The following RYR3 variants were observed in gnomAD, a reference collection of about 807,000 sequenced individuals.
The protein encoded by RYR3 is ryanodine receptor 3, also known as brain ryanodine receptor-calcium release channel.
RYR3 carries 207 observed loss-of-function variants against 584.3 expected under a neutral mutation model. The observed-to-expected ratio is 0.35, with a 90% CI of 0.32 to 0.40. The LOEUF (loss-of-function observed/expected upper bound fraction) is 0.40. RYR3 is among the 10% of genes least tolerant of loss of function. The pLI is 1.00. For synonymous variants in RYR3, 2,416 were observed against 2,248.5 expected (o/e 1.07, Z -2.11); for missense variants, 5,616 against 6,089.2 (o/e 0.92, Z 2.59).
chr15:33,434,996 A>G (rs1048907543), intron 1 of RYR3, among the ~76,000 whole-genome samples: 3 of 151,308 alleles, frequency 2.0e-5, no homozygotes, highest in Non-Finnish European at 2.9e-5. Flanking sequence ...TTTTTTTTGT[A>G]TTTTTAGTAG....
Position 33,838,832 on chromosome 15 carries a change from C to G in RYR3, c.12852C>G (p.Leu4284=), listed in dbSNP as rs945158896. 6.2e-7 allele frequency: 1 copy of G among 1,613,862 alleles called. No individual in the cohort carries two copies. Among genetic ancestry groups the G allele is most frequent in the South Asian group, 1.1e-5 (1 of 91,056 alleles). The part of the protein sequence containing the change: ...DTDIMSDLFG[L]HPKKEGSLKH... Reference sequence around the variant, plus strand: ...ATATCATGTCAGACCTCTTTGGACTCCACCCAAAGAAAGAGGGCAGCTTAA... The same window carrying G: ...ATATCATGTCAGACCTCTTTGGACTGCACCCAAAGAAAGAGGGCAGCTTAA... The change falls in exon 89 of 104, where the codon CTC becomes CTG. Residue 4284 remains leucine (L), a synonymous_variant. Transcript: ENST00000634891.
intron 16 of RYR3, among the ~76,000 whole-genome samples, chr15:33,593,587 A>C (rs1414548453): frequency 2.6e-5 from 4 of 152,234 alleles, no homozygotes; most frequent in African/African-American, 9.6e-5. Flanking sequence ...AGTTTATTTA[A>C]GTTGTCTGGC....
intron 1 of RYR3, among the ~76,000 whole-genome samples, chr15:33,391,625 CA>C (rs5811755): frequency 0.59 from 75,634 of 128,214 alleles, 20,161 homozygotes; most frequent in Admixed American, 0.64. Flanking sequence ...GACTCTGTCT[CA>C]AAAAAAAAAA....
intron 3 of RYR3, among the ~76,000 whole-genome samples, chr15:33,511,079 A>C (rs1346883454): frequency 6.6e-6 from 1 of 152,114 alleles, no homozygotes; most frequent in Non-Finnish European, 1.5e-5. Flanking sequence ...ATTCTATGAG[A>C]AATTCCAAAT....
In RYR3 at chr15:33,865,740, C is replaced by A. The variant is rs1044802069; in HGVS notation, c.*514C>A. 6.5e-6 allele frequency: 1 copy of A among 153,364 alleles called. No individual in the cohort carries two copies. The highest frequency in any genetic ancestry group is 1.5e-5 in the Non-Finnish European group (1 of 68,612). 9.5% of individuals were successfully genotyped at this position (153,364 alleles called of 1,614,324 possible). On this transcript the variant is annotated 3_prime_UTR_variant, in exon 104 of 104. Transcript: ENST00000634891. ...AGCAGTTAAAGAAACAGAAAAAAAC[C>A]GACACTTTGTCGACACTGAAATATC...
At chr15:33,358,964 T>G (rs2596181) in intron 1 of RYR3, among the ~76,000 whole-genome samples, 56,623 of 151,994 alleles carry the variant, frequency 0.37, 10,779 homozygotes, top group East Asian at 0.48. Flanking sequence ...CTTTGAGTAT[T>G]TTAAGTATTT....
At chr15:33,604,058 A>G (rs2059797386) in intron 18 of RYR3, among the ~76,000 whole-genome samples, 1 of 152,210 alleles carries the variant, frequency 6.6e-6, no homozygotes, top group Admixed American at 6.5e-5. Flanking sequence ...TCAGGCTTTC[A>G]TCAAGAAGAA....
chr15:33,372,813 CT>C (rs2040440493), intron 1 of RYR3, among the ~76,000 whole-genome samples: 1 of 152,200 alleles, frequency 6.6e-6, no homozygotes, highest in African/African-American at 2.4e-5. Flanking sequence ...GCCCATAAAG[CT>C]TTGACTCTTT....
chr15:33,525,192 G>C (rs1211587879), intron 3 of RYR3, among the ~76,000 whole-genome samples: 1 of 152,130 alleles, frequency 6.6e-6, no homozygotes, highest in Non-Finnish European at 1.5e-5. Flanking sequence ...AGAGACTTGT[G>C]CTTAATAACC....
chr15:33,358,786 A>G (rs1251567853), intron 1 of RYR3, among the ~76,000 whole-genome samples: 1 of 152,202 alleles, frequency 6.6e-6, no homozygotes, highest in Non-Finnish European at 1.5e-5. Flanking sequence ...TCTTTTGACC[A>G]AAATAATGAG....
intron 3 of RYR3, among the ~76,000 whole-genome samples, chr15:33,511,254 A>G (rs999815404): frequency 8.6e-5 from 13 of 151,044 alleles, no homozygotes; most frequent in African/African-American, 3.2e-4. Flanking sequence ...AAACTTTTAC[A>G]TTTAACGCTC....
At chr15:33,712,659 G>A (rs2067207782) in intron 43 of RYR3, among the ~76,000 whole-genome samples, 1 of 152,194 alleles carries the variant, frequency 6.6e-6, no homozygotes, top group African/African-American at 2.4e-5. Context: ...AAAGAAAAAT[G>A]TGGAGAGTAT....
At chr15:33,779,234 T>C (rs545235730) in intron 64 of RYR3, among the ~76,000 whole-genome samples, 117 of 151,920 alleles carry the variant, frequency 7.7e-4, no homozygotes, top group African/African-American at 2.4e-3. Flanking sequence ...CTTTTCTTTT[T>C]TTTTCTTTTT....
rs775464569 is a variant in RYR3 at position 33,865,121 on chromosome 15, A to ATTAT, written c.14518-7_14518-4dup. On this transcript the variant is annotated splice_polypyrimidine_tract_variant and intron_variant, in intron 103 of 103. Coordinates refer to ENST00000634891, the MANE Select transcript of RYR3 (RefSeq NM_001036.6). ...TTAAAAATAAGCACCCGTTGTTCAT[A>ATTAT]TTATTTCAGGAATCTTATGTCTGGA... 3.9e-5 allele frequency: 63 copies of ATTAT among 1,605,892 alleles called. No homozygotes were observed. In the East Asian group the frequency reaches 1.4e-3, roughly 36 times the overall value.
chr15:33,613,155 A>G lies in RYR3; in HGVS notation c.2165-28A>G, dbSNP rs1215010686. 4 of 1,594,834 alleles carry G rather than the reference A, an allele frequency of 2.5e-6. No homozygotes were observed. The East Asian group carries it at 6.7e-5, about 27-fold the overall frequency. ...CTAGCAGGTGCCTCCAGAGTTCCACAGCCTTCTTCCTGTTCTTTCCTCACC... is the reference window on the plus strand; with the variant it reads ...CTAGCAGGTGCCTCCAGAGTTCCACGGCCTTCTTCCTGTTCTTTCCTCACC... On this transcript the variant is annotated intron_variant, in intron 18 of 103. Transcript: ENST00000634891.
chr15:33,663,727 C>T lies in RYR3; in HGVS notation c.5609C>T (p.Pro1870Leu), dbSNP rs753308511. The change falls in exon 36 of 104, where the codon CCA becomes CTA. Residue 1870 changes from proline (P) to leucine (L), a missense_variant. By Grantham distance (98) the Pro-to-Leu change is moderately conservative (BLOSUM62 -3). Coordinates refer to ENST00000634891, the MANE Select transcript of RYR3 (RefSeq NM_001036.6). ...ARKTKEFRSP[P>L]QEQINMLLNF... The stretch of plus-strand genomic sequence containing the variant: ...AAGACCAAGGAGTTCCGCTCACCCC[C>T]ACAGGAGCAGGTGAGGGTCCTTCCT... The T allele has an allele frequency of 5.6e-6, 9 of 1,605,856 alleles. No individual in the cohort carries two copies. The highest frequency in any genetic ancestry group is 7.6e-6 in the Non-Finnish European group (9 of 1,176,906).
At chr15:33,839,331 C>T (rs142926484) in intron 89 of RYR3, among the ~76,000 whole-genome samples, 46 of 152,252 alleles carry the variant, frequency 3.0e-4, no homozygotes, top group Admixed American at 1.3e-3. Context: ...CTTCTGAGTC[C>T]GTGCTTTCTC....
intron 1 of RYR3, among the ~76,000 whole-genome samples, chr15:33,429,376 C>T (rs2044924094): frequency 6.6e-6 from 1 of 152,168 alleles, no homozygotes; most frequent in Non-Finnish European, 1.5e-5. Flanking sequence ...GTTTTTTCTT[C>T]TAGACTACCT....
chr15:33,479,569 T>G (rs1168205585), intron 2 of RYR3, among the ~76,000 whole-genome samples: 1 of 152,018 alleles, frequency 6.6e-6, no homozygotes, highest in Non-Finnish European at 1.5e-5. Flanking sequence ...TTTCATTTAC[T>G]CTTTATGACT....
Sources: allele counts gnomAD v4.1 joint callset (sites outside exome capture counted in the v4.1 genomes callset), GRCh38; gene constraint gnomAD v4.1.1; transcripts MANE v1.5; gene names NCBI Gene and HGNC (gene_info 2026-07-23, HGNC 2026-07-21).